Variants in TRIM66 observed in about 807,000 individuals in gnomAD.
The protein encoded by TRIM66 is tripartite motif-containing protein 66.
Under a neutral mutation model 148.2 loss-of-function variants are expected in TRIM66, and 99 were observed. The ratio of observed to expected loss-of-function variants is 0.67; its 90% CI spans 0.57 to 0.79. The LOEUF is 0.79. Among genes scored for constraint, TRIM66 ranks in the 30% least tolerant of loss-of-function variants. TRIM66 has a pLI of 0.00. For synonymous variants in TRIM66, 616 were observed against 635.9 expected (o/e 0.97, Z 0.47); for missense variants, 1,666 against 1,697.9 (o/e 0.98, Z 0.33).
chr11:8,650,035 A>G, intron 7 of TRIM66, 148 bp from the exon 8 acceptor site: 1 of 930,632 alleles, frequency 1.1e-6, no homozygotes, highest in Non-Finnish European at 1.6e-6. Flanking sequence ...GTCTGGGAGT[A>G]ACATGCCGGG....
intron 3 of TRIM66, among the ~76,000 whole-genome samples, chr11:8,675,515 T>G (rs2039136265): frequency 6.6e-6 from 1 of 151,990 alleles, no homozygotes; most frequent in African/African-American, 2.4e-5. Flanking sequence ...CCCGAGCAGC[T>G]GGGATTACAA....
Position 8,648,094 on chromosome 11 carries a change from A to G in TRIM66, c.726-8T>C, listed in dbSNP as rs1181197452. 5 of 1,550,196 alleles carry G rather than the reference A, an allele frequency of 3.2e-6. No homozygotes were observed. In the South Asian group the frequency reaches 3.6e-5, roughly 11 times the overall value. On this transcript the variant is annotated splice_polypyrimidine_tract_variant and splice_region_variant and intron_variant, in intron 9 of 24. Transcript: ENST00000646038. ...TCTTCAACATGTCTGCACCTAGGGG[A>G]TGAGGCAGAGAAAAAGCTGAGAAGG...
rs1056573944 is a variant in TRIM66, at chr11:8,640,989, G to A, written c.1386C>T (p.Ser462=). Residue 462 remains serine (S), a synonymous_variant, in exon 14 of 25, where the codon TCC becomes TCT. Transcript: ENST00000646038. ...SHKFQSPAVC[S]SSVCCSHCSP... ...AGCAGTGGGAGCAGCACACAGATGA[G>A]GAGCACACTGCTGGAGACTGGAACT... The A allele has an allele frequency of 6.4e-6, 10 of 1,551,378 alleles. No homozygotes were observed. The African/African-American group carries it at 1.4e-4, about 21-fold the overall frequency.
intron 12 of TRIM66, chr11:8,644,289 A>G (rs934930659): frequency 8.2e-6 from 3 of 367,580 alleles, no homozygotes; most frequent in African/African-American, 4.3e-5. Flanking sequence ...TTCAGTGATT[A>G]TGAATTTCAG....
intron 8 of TRIM66, 147 bp from the exon 9 acceptor site, chr11:8,648,695 CA>C: frequency 9.8e-7 from 1 of 1,018,770 alleles, no homozygotes; most frequent in Non-Finnish European, 1.4e-6. Flanking sequence ...GATGACTCTC[CA>C]GGGGCACAAG....
chr11:8,625,294 G>T, intron 15 of TRIM66, 66 bp from the exon 16 acceptor site: 1 of 1,389,546 alleles, frequency 7.2e-7, no homozygotes, highest in Non-Finnish European at 9.5e-7. Context: ...GGAGAGGAGG[G>T]ACCCAACCCA....
intron 6 of TRIM66, among the ~76,000 whole-genome samples, chr11:8,667,007 G>T (rs1013945552): frequency 6.6e-6 from 1 of 152,040 alleles, no homozygotes; most frequent in South Asian, 2.1e-4. Context: ...TTTTAGTAGA[G>T]ACAGGGTTTC....
In TRIM66 at chr11:8,672,445, A is replaced by G. The variant is rs1320787335; in HGVS notation, c.-111-60T>C. 1.1e-5 allele frequency: 16 copies of G among 1,425,538 alleles called. No homozygotes were observed. The East Asian group carries it at 1.5e-4, about 13-fold the overall frequency. The allele number at this position is 1,425,538 out of a possible 1,614,324, so 88.3% of individuals were successfully genotyped here. ...CATTATTGACAAGTTTATGACAGGC[A>G]CTTTACATACTGTATTTCAAAGGGG... is the stretch of plus-strand genomic sequence containing the variant. On this transcript the variant is annotated intron_variant, in intron 4 of 24. Coordinates refer to ENST00000646038, the MANE Select transcript of TRIM66 (RefSeq NM_001388022.1).
chr11:8,655,520 T>C (rs1202423743), intron 6 of TRIM66, among the ~76,000 whole-genome samples: 1 of 152,104 alleles, frequency 6.6e-6, no homozygotes, highest in African/African-American at 2.4e-5. Flanking sequence ...CGGTGGCTCA[T>C]GCCTGTAATC....
chr11:8,651,839 A>G lies in TRIM66; in HGVS notation c.405T>C (p.Phe135=), dbSNP rs1244507535. Residue 135 remains phenylalanine (F), a synonymous_variant, in exon 7 of 25, where the codon TTT becomes TTC. Transcript: ENST00000646038. ...YLTRDVTEHF[F]LHCVPTEQPK... ...GTTGCTCAGTAGGAACACAATGCAGAAAAAAATGTTCAGTTACATCCCTGG... is the reference window on the plus strand; with the variant it reads ...GTTGCTCAGTAGGAACACAATGCAGGAAAAAATGTTCAGTTACATCCCTGG... 8 of 1,551,538 alleles carry G rather than the reference A, an allele frequency of 5.2e-6. No homozygotes were observed. The highest frequency in any genetic ancestry group is 1.2e-5 in the South Asian group (1 of 84,048).
At position 8,680,018 on chromosome 11, in the gene TRIM66, A is replaced by G. The variant is rs1049420061; in HGVS notation, c.-502T>C. On this transcript the variant is annotated 5_prime_UTR_variant, in exon 2 of 25. Transcript: ENST00000646038. ...AGGCAGATGTATTTTGTAAATTGCCAAGTGCTCTGAAAATGTTGGTTGTTA... is the reference window on the plus strand; with the variant it reads ...AGGCAGATGTATTTTGTAAATTGCCGAGTGCTCTGAAAATGTTGGTTGTTA... 2 of 152,282 alleles carry G rather than the reference A, an allele frequency of 1.3e-5. No homozygotes were observed. The highest frequency in any genetic ancestry group is 4.8e-5 in the African/African-American group (2 of 41,458). 9.4% of individuals were successfully genotyped at this position (152,282 alleles called of 1,614,324 possible).
chr11:8,651,985 C>A, intron 6 of TRIM66, 82 bp from the exon 7 acceptor site: 1 of 1,119,946 alleles, frequency 8.9e-7, no homozygotes, highest in Non-Finnish European at 1.3e-6. Context: ...TTCTAATACA[C>A]AACACCAAGA....
Position 8,640,984 on chromosome 11 carries a change from G to A in TRIM66, c.1391C>T (p.Ser464Phe), listed in dbSNP as rs1437390970. 6.4e-7 allele frequency: 1 copy of A among 1,551,502 alleles called. No homozygotes were observed. Among genetic ancestry groups the A allele is most frequent in the Admixed American group, 2.0e-5 (1 of 51,012 alleles). Residue 464 changes from serine to phenylalanine, a missense_variant, in exon 14 of 25, where the codon TCT (serine) becomes TTT (phenylalanine). This residue lies in a region of TRIM66 where 1,431 missense variants were observed against 1,412.4 expected (regional missense o/e 1.01). Transcript: ENST00000646038. ...KFQSPAVCSS[S>F]VCCSHCSPVS... is the part of the protein sequence containing the mutation. Reference sequence around the variant, plus strand: ...TGGGGAGCAGTGGGAGCAGCACACAGATGAGGAGCACACTGCTGGAGACTG... The same window carrying A: ...TGGGGAGCAGTGGGAGCAGCACACAAATGAGGAGCACACTGCTGGAGACTG...
At position 8,652,847 on chromosome 11, in the gene TRIM66, T is replaced by C. The variant is rs773290087; in HGVS notation, c.341-944A>G. Among the ~76,000 whole-genome samples, 9 of 152,220 alleles carry C rather than the reference T, an allele frequency of 5.9e-5. No homozygotes were observed. In the East Asian group the frequency reaches 7.7e-4, roughly 13 times the overall value. On this transcript the variant is annotated intron_variant, in intron 6 of 24. Transcript: ENST00000646038. The stretch of plus-strand genomic sequence containing the variant: ...CTCTTCAAAATACGAAAGAATGATA[T>C]GATGGCAGTTGCTCCAGACTTATAG...
At chr11:8,672,701 G>A (rs138292109) in intron 4 of TRIM66, among the ~76,000 whole-genome samples, 2,273 of 146,682 alleles carry the variant, frequency 0.015, 66 homozygotes, top group African/African-American at 0.054. Context: ...GCTCACTGCA[G>A]CCTTGACCTC....
rs1265733097 is a variant in TRIM66, at chr11:8,640,356, T to C, written c.2019A>G (p.Gln673=). 6.4e-7 allele frequency: 1 copy of C among 1,551,574 alleles called. No individual in the cohort carries two copies. Among genetic ancestry groups the C allele is most frequent in the Non-Finnish European group, 8.7e-7 (1 of 1,147,018 alleles). ...QKDLELLLQA[Q]QPSLQLSQTK... is the part of the protein sequence containing the mutation. The stretch of plus-strand genomic sequence containing the variant: ...TCTGACTCAGTTGCAGGCTGGGCTG[T>C]TGAGCCTGGAGAAGAAGCTCCAAGT... Residue 673 remains glutamine (Q), a synonymous_variant, in exon 14 of 25, where the codon CAA becomes CAG. Coordinates refer to ENST00000646038, the MANE Select transcript of TRIM66 (RefSeq NM_001388022.1).
chr11:8,653,633 A>G (rs2037553771), intron 6 of TRIM66, among the ~76,000 whole-genome samples: 1 of 152,224 alleles, frequency 6.6e-6, no homozygotes, highest in African/African-American at 2.4e-5. Flanking sequence ...CCAAACAGCC[A>G]AACTGTAGAA....
rs781045393 is a variant in TRIM66, at chr11:8,648,037, C to T, written c.775G>A (p.Gly259Ser). The change falls in exon 10 of 25, where the codon GGT (glycine) becomes AGT (serine). Residue 259 changes from glycine (G) to serine (S), a missense_variant. Coordinates refer to ENST00000646038, the MANE Select transcript of TRIM66 (RefSeq NM_001388022.1). ...VLQNQRMLLE[G>S]VTTQVAHKKS... Reference sequence around the variant, plus strand: ...TTATGTGCCACCTGTGTAGTCACACCTTCCAGAAGCATCCTCTGGTTTTGC... The same window carrying T: ...TTATGTGCCACCTGTGTAGTCACACTTTCCAGAAGCATCCTCTGGTTTTGC... 10 of 1,551,618 alleles carry T rather than the reference C, an allele frequency of 6.4e-6. No individual in the cohort carries two copies.
rs2141736773 is a variant in TRIM66 at position 8,613,780 on chromosome 11, G to C, written c.*4164C>G. 6.6e-6 allele frequency: 1 copy of C among 152,204 alleles called. No homozygotes were observed. The highest frequency in any genetic ancestry group is 1.9e-4 in the East Asian group (1 of 5,162). 9.4% of individuals were successfully genotyped at this position (152,204 alleles called of 1,614,324 possible). Reference sequence around the variant, plus strand: ...AGACACAGATGAATGAGAGGGGAGAGAGGAACAGCAGGCAAGGAAGCTCTT... The same window carrying C: ...AGACACAGATGAATGAGAGGGGAGACAGGAACAGCAGGCAAGGAAGCTCTT... On this transcript the variant is annotated 3_prime_UTR_variant, in exon 25 of 25. Transcript: ENST00000646038.
Sources: gnomAD v4.1 joint callset for allele counts (sites outside exome capture counted in the v4.1 genomes callset) on GRCh38, gnomAD v4.1.1 for gene constraint, gnomAD v4.1.1 regional missense constraint, MANE v1.5 for transcripts, NCBI Gene and HGNC (gene_info 2026-07-23, HGNC 2026-07-21) for gene names.